Variants in LRP1B observed in about 807,000 individuals in gnomAD.
The protein encoded by LRP1B is low-density lipoprotein receptor-related protein 1B.
Under a neutral mutation model 556.6 loss-of-function variants are expected in LRP1B, and 217 were observed. The ratio of observed to expected loss-of-function variants is 0.39; its 90% CI spans 0.35 to 0.44. The LOEUF is 0.44. LRP1B is among the 20% of genes least tolerant of loss of function. The pLI is 1.00. For missense variants in LRP1B, 5,053 were observed against 5,620.8 expected (o/e 0.90, Z 3.23); for synonymous variants, 2,047 against 1,865.8 (o/e 1.10, Z -2.50).
At chr2:141,395,247 T>G (rs766026132) in intron 3 of LRP1B, among the ~76,000 whole-genome samples, 4 of 152,138 alleles carry the variant, frequency 2.6e-5, no homozygotes, top group Non-Finnish European at 4.4e-5. Context: ...AGAGCAACTT[T>G]CAGTCCTGCC....
chr2:141,478,066 T>C (rs1012638320), intron 3 of LRP1B, among the ~76,000 whole-genome samples: 1 of 152,064 alleles, frequency 6.6e-6, no homozygotes, highest in Non-Finnish European at 1.5e-5. Context: ...AACAACTACA[T>C]ACTAGAAATT....
At chr2:141,202,599 A>T (rs542558597) in intron 6 of LRP1B, among the ~76,000 whole-genome samples, 1 of 151,840 alleles carries the variant, frequency 6.6e-6, no homozygotes, top group South Asian at 2.1e-4. Flanking sequence ...TGTCTTTTTA[A>T]TAATAGCCAT....
At chr2:142,028,914 A>G (rs182694478) in intron 1 of LRP1B, among the ~76,000 whole-genome samples, 2 of 151,980 alleles carry the variant, frequency 1.3e-5, no homozygotes, top group African/African-American at 4.8e-5. Context: ...ATGACTAACA[A>G]TGTTGGAGCT....
At chr2:140,594,961 C>T (rs12611781) in intron 43 of LRP1B, among the ~76,000 whole-genome samples, 7,089 of 151,294 alleles carry the variant, frequency 0.047, 297 homozygotes, top group East Asian at 0.23. Flanking sequence ...AAATATCATT[C>T]TTTCTAAATC....
intron 2 of LRP1B, among the ~76,000 whole-genome samples, chr2:141,700,519 A>C (rs75494351): frequency 0.01 from 1,526 of 151,884 alleles, 13 homozygotes; most frequent in Non-Finnish European, 0.016. Context: ...TGTAACCCAT[A>C]AATTATTATG....
chr2:140,535,541 G>T (rs1207641774), intron 46 of LRP1B, among the ~76,000 whole-genome samples: 2 of 151,960 alleles, frequency 1.3e-5, no homozygotes, highest in South Asian at 2.1e-4. Context: ...AATTATTTAG[G>T]TGTAATTATT....
rs77054166 is a variant in LRP1B at position 141,951,611 on chromosome 2, G to A, written c.83-141210C>T. Among the ~76,000 whole-genome samples, 265 of 152,216 alleles carry A rather than the reference G, an allele frequency of 1.7e-3. 5 individuals are homozygous for A. The East Asian group carries it at 0.028, about 16-fold the overall frequency. The stretch of plus-strand genomic sequence containing the variant: ...AGGATGAATTAAGAGTCAAACCACA[G>A]TTTGCAAATAATTGCTGAAACATTG... On this transcript the variant is annotated intron_variant, in intron 1 of 90. Coordinates refer to ENST00000389484, the MANE Select transcript of LRP1B (RefSeq NM_018557.3).
chr2:141,755,924 C>A (rs1332275048), intron 2 of LRP1B, among the ~76,000 whole-genome samples: 1 of 152,004 alleles, frequency 6.6e-6, no homozygotes, highest in Non-Finnish European at 1.5e-5. Flanking sequence ...ACAGCATATA[C>A]TCTACCATTA....
chr2:141,114,986 T>C (rs1700852101), intron 7 of LRP1B, among the ~76,000 whole-genome samples: 1 of 152,134 alleles, frequency 6.6e-6, no homozygotes, highest in African/African-American at 2.4e-5. Flanking sequence ...TGTAGTAACG[T>C]ACACTCCTTT....
At chr2:141,475,182 G>A (rs1682651190) in intron 3 of LRP1B, among the ~76,000 whole-genome samples, 1 of 152,058 alleles carries the variant, frequency 6.6e-6, no homozygotes, top group African/African-American at 2.4e-5. Context: ...TGACCAGCTT[G>A]GCCAACATGG....
chr2:142,000,349 A>G (rs1702617425), intron 1 of LRP1B, among the ~76,000 whole-genome samples: 2 of 152,202 alleles, frequency 1.3e-5, no homozygotes, highest in African/African-American at 2.4e-5. Flanking sequence ...AAATCCTATT[A>G]TCTGGTCTCA....
intron 2 of LRP1B, among the ~76,000 whole-genome samples, chr2:141,547,379 T>C (rs928338140): frequency 8.5e-5 from 13 of 152,212 alleles, no homozygotes; most frequent in African/African-American, 2.9e-4. Context: ...TTTGCGTTAA[T>C]TCGTTCTTTC....
At chr2:141,164,947 C>T (rs1680187593) in intron 7 of LRP1B, among the ~76,000 whole-genome samples, 1 of 151,922 alleles carries the variant, frequency 6.6e-6, no homozygotes, top group Non-Finnish European at 1.5e-5. Flanking sequence ...TCTTAATGGC[C>T]AGGTTTTTAA....
At chr2:140,828,838 T>G (rs1293660194) in intron 31 of LRP1B, among the ~76,000 whole-genome samples, 2 of 150,642 alleles carry the variant, frequency 1.3e-5, no homozygotes, top group Non-Finnish European at 3.0e-5. Flanking sequence ...TGAATAATTT[T>G]TTTATTCAGG....
intron 41 of LRP1B, among the ~76,000 whole-genome samples, chr2:140,652,642 T>C (rs34984492): frequency 0.073 from 11,164 of 151,904 alleles, 519 homozygotes; most frequent in East Asian, 0.18. Context: ...GCGACAAAGA[T>C]TAGAAAAGAA....
chr2:140,566,651 G>T (rs1681137334), intron 43 of LRP1B, among the ~76,000 whole-genome samples: 1 of 152,148 alleles, frequency 6.6e-6, no homozygotes, highest in African/African-American at 2.4e-5. Flanking sequence ...ACCCCTCCCA[G>T]TTTTGGCTGC....
chr2:141,374,141 T>C (rs1415647032), intron 3 of LRP1B, among the ~76,000 whole-genome samples: 1 of 152,092 alleles, frequency 6.6e-6, no homozygotes, highest in African/African-American at 2.4e-5. Flanking sequence ...TATAGAGAAA[T>C]ATACAGAAAA....
intron 41 of LRP1B, among the ~76,000 whole-genome samples, chr2:140,673,839 TA>T (rs1685572342): frequency 6.6e-6 from 1 of 152,018 alleles, no homozygotes; most frequent in South Asian, 2.1e-4. Context: ...GCATTAACAT[TA>T]AAACAGAGAT....
intron 3 of LRP1B, among the ~76,000 whole-genome samples, chr2:141,284,491 G>C (rs1243868468): frequency 6.6e-6 from 1 of 152,110 alleles, no homozygotes; most frequent in Admixed American, 6.5e-5. Flanking sequence ...GGTACTACTA[G>C]GAATGGAAAA....
Sources: gnomAD v4.1 joint callset for allele counts (sites outside exome capture counted in the v4.1 genomes callset) on GRCh38, gnomAD v4.1.1 for gene constraint, MANE v1.5 for transcripts, NCBI Gene and HGNC (gene_info 2026-07-23, HGNC 2026-07-21) for gene names.